AGBL3: variants seen among roughly 807,000 people sequenced by gnomAD.
AGBL3 encodes the protein AGBL carboxypeptidase 3.
In AGBL3, 68 loss-of-function variants were observed where a neutral mutation model predicts 94.5. The ratio of observed to expected loss-of-function variants is 0.72; its 90% CI spans 0.59 to 0.88. The LOEUF is 0.88. AGBL3 is among the 40% of genes least tolerant of loss of function. The pLI is 0.00. For missense variants in AGBL3, 934 were observed against 1,103.8 expected, an observed-to-expected ratio of 0.85 and a Z score of 2.18; for synonymous variants, 354 against 370.7, an observed-to-expected ratio of 0.95 and a Z score of 0.52.
intron 11 of AGBL3, among the ~76,000 whole-genome samples, chr7:135,056,101 G>A (rs749910639): frequency 6.6e-6 from 1 of 151,966 alleles, no homozygotes; most frequent in Admixed American, 6.6e-5. Flanking sequence ...AGCATCAGTA[G>A]CAATGACCCC....
intron 16 of AGBL3, among the ~76,000 whole-genome samples, chr7:135,130,354 G>A (rs1453250748): frequency 6.6e-6 from 1 of 152,136 alleles, no homozygotes; most frequent in Non-Finnish European, 1.5e-5. Context: ...TATTAATGGT[G>A]TATATGCTCC....
At chr7:135,013,098 T>C (rs1377276730) in intron 4 of AGBL3, among the ~76,000 whole-genome samples, 1 of 152,064 alleles carries the variant, frequency 6.6e-6, no homozygotes, top group African/African-American at 2.4e-5. Flanking sequence ...AAAACCTAAT[T>C]TTAAAATGGA....
At chr7:135,071,317 G>T (rs917219517) in intron 12 of AGBL3, among the ~76,000 whole-genome samples, 1 of 151,972 alleles carries the variant, frequency 6.6e-6, no homozygotes, top group African/African-American at 2.4e-5. Context: ...CGTGAAAATG[G>T]CAGAAATTAC....
chr7:135,065,748 C>T (rs1156287956), intron 12 of AGBL3, among the ~76,000 whole-genome samples: 3 of 152,136 alleles, frequency 2.0e-5, no homozygotes, highest in East Asian at 1.9e-4. Context: ...GAAAATTATC[C>T]GGGCATGGTG....
At chr7:135,014,226 A>C (rs895365617) in intron 4 of AGBL3, among the ~76,000 whole-genome samples, 3 of 140,020 alleles carry the variant, frequency 2.1e-5, no homozygotes, top group Non-Finnish European at 4.7e-5. Flanking sequence ...AAAAAAAAAA[A>C]ACCCGAAATG....
chr7:134,991,473 G>A (rs1053529984), intron 3 of AGBL3, among the ~76,000 whole-genome samples: 1 of 151,936 alleles, frequency 6.6e-6, no homozygotes, highest in Admixed American at 6.6e-5. Flanking sequence ...TCATTTCTTA[G>A]TCTAGGCCAG....
At chr7:135,107,730 T>A (rs907566313) in intron 15 of AGBL3, among the ~76,000 whole-genome samples, 1 of 152,190 alleles carries the variant, frequency 6.6e-6, no homozygotes, top group Non-Finnish European at 1.5e-5. Context: ...GTCTATCAGA[T>A]CTATTTGGTC....
chr7:135,063,972 T>C (rs1222914535), intron 12 of AGBL3, among the ~76,000 whole-genome samples: 2 of 152,218 alleles, frequency 1.3e-5, no homozygotes, highest in Non-Finnish European at 2.9e-5. Context: ...TTCACCTTTC[T>C]TTCTTCACCT....
chr7:135,044,124 G>GT lies in AGBL3; in HGVS notation c.1600_1601insT (p.Glu534ValfsTer11). 1 of 1,550,528 alleles carries GT rather than the reference G, an allele frequency of 6.4e-7. No homozygotes were observed. The highest frequency in any genetic ancestry group is 8.7e-7 in the Non-Finnish European group (1 of 1,146,146). ...GGGAATCAGGAACAGCTTTACCATG[G>GT]AGGCCACCTTCTGTGGATCTACTCT... On this transcript the variant is annotated frameshift_variant, in exon 9 of 17. Coordinates refer to ENST00000436302, the MANE Select transcript of AGBL3 (RefSeq NM_178563.4). LOFTEE classifies it high-confidence loss of function.
At chr7:135,081,388 A>C (rs1469113120) in intron 14 of AGBL3, among the ~76,000 whole-genome samples, 1 of 152,088 alleles carries the variant, frequency 6.6e-6, no homozygotes, top group Admixed American at 6.6e-5. Context: ...CCATTCTATT[A>C]AGCCACCCCC....
chr7:135,069,608 C>T (rs1367569431), intron 12 of AGBL3, among the ~76,000 whole-genome samples: 1 of 152,152 alleles, frequency 6.6e-6, no homozygotes, highest in Non-Finnish European at 1.5e-5. Context: ...AACTGAGCAA[C>T]CTGCTCCTGA....
At chr7:135,070,574 T>C (rs112072816) in intron 12 of AGBL3, among the ~76,000 whole-genome samples, 144,920 of 152,128 alleles carry the variant, frequency 0.95, 69,386 homozygotes, top group East Asian at 1. Flanking sequence ...GTTCAACATA[T>C]GCAAATCAAT....
At chr7:135,122,964 C>G (rs1303824646) in intron 16 of AGBL3, among the ~76,000 whole-genome samples, 1 of 151,956 alleles carries the variant, frequency 6.6e-6, no homozygotes, top group Non-Finnish European at 1.5e-5. Context: ...CACTGAAAAC[C>G]CAAAAGGCCA....
intron 16 of AGBL3, among the ~76,000 whole-genome samples, chr7:135,131,427 C>CT (rs571828240): frequency 5.0e-4 from 74 of 148,938 alleles, no homozygotes; most frequent in African/African-American, 1.7e-3. Flanking sequence ...TGTATCCTGG[C>CT]TTTTTTTAGA....
intron 8 of AGBL3, among the ~76,000 whole-genome samples, chr7:135,042,434 A>G (rs1330688964): frequency 2.0e-5 from 3 of 152,234 alleles, no homozygotes; most frequent in African/African-American, 7.2e-5. Context: ...ATTACATTCT[A>G]TATGATTCCA....
intron 4 of AGBL3, chr7:135,010,348 T>C (rs1289819909): frequency 4.8e-6 from 1 of 208,828 alleles, no homozygotes; most frequent in Non-Finnish European, 9.8e-6. Context: ...TTAGCTGACA[T>C]TGGAAATCTG....
Position 135,081,759 on chromosome 7 carries a change from T to C in AGBL3, c.2079T>C (p.Tyr693=). ...PNEPDDYMVD[Y]FRRQLPNQGL... is the part of the protein sequence containing the mutation. ...AACCAGATGATTATATGGTTGATTA[T>C]TTCAGAAGACAATTACCTAATCAAG... Residue 693 remains tyrosine, a synonymous_variant, in exon 15 of 17, where the codon TAT becomes TAC. Coordinates refer to ENST00000436302, the MANE Select transcript of AGBL3 (RefSeq NM_178563.4). 6.5e-7 allele frequency: 1 copy of C among 1,540,014 alleles called. No homozygotes were observed. The highest frequency in any genetic ancestry group is 8.8e-7 in the Non-Finnish European group (1 of 1,139,236).
intron 16 of AGBL3, among the ~76,000 whole-genome samples, chr7:135,120,969 C>T (rs1422294030): frequency 6.6e-6 from 1 of 152,048 alleles, no homozygotes; most frequent in Non-Finnish European, 1.5e-5. Flanking sequence ...CTTGGGAGGC[C>T]GAGGCAGGTG....
chr7:135,013,847 T>C (rs866491217), intron 4 of AGBL3, among the ~76,000 whole-genome samples: 5 of 152,056 alleles, frequency 3.3e-5, no homozygotes, highest in African/African-American at 1.2e-4. Flanking sequence ...TCTTAGCATA[T>C]GCCAAAAGCA....
Sources: gnomAD v4.1 joint callset for allele counts (sites outside exome capture counted in the v4.1 genomes callset) on GRCh38, gnomAD v4.1.1 for gene constraint, MANE v1.5 for transcripts, NCBI Gene and HGNC (gene_info 2026-07-23, HGNC 2026-07-21) for gene names.